CPXM2: variants seen among roughly 807,000 people sequenced by gnomAD.
The protein encoded by CPXM2 is carboxypeptidase X, M14 family member 2, also known as inactive carboxypeptidase-like protein X2.
Under a neutral mutation model 86.1 loss-of-function variants are expected in CPXM2, and 66 were observed. The ratio of observed to expected loss-of-function variants is 0.77; its 90% CI spans 0.63 to 0.94. The LOEUF is 0.94. CPXM2 is among the 40% of genes least tolerant of loss of function. The probability of loss-of-function intolerance (pLI) is 0.00; values close to 1 mark genes in which losing one functional copy is unlikely to be tolerated. For synonymous variants in CPXM2, 388 were observed against 400.2 expected, an observed-to-expected ratio of 0.97 and a Z score of 0.36; for missense variants, 948 against 1,026.3, an observed-to-expected ratio of 0.92 and a Z score of 1.04.
At chr10:123,884,540 C>T (rs766336240) in intron 1 of CPXM2, among the ~76,000 whole-genome samples, 4 of 152,162 alleles carry the variant, frequency 2.6e-5, no homozygotes, top group Non-Finnish European at 5.9e-5. Context: ...TCCTGAAGGG[C>T]GAGTTGAGCA....
At chr10:123,875,324 T>C (rs1944964032) in intron 2 of CPXM2, among the ~76,000 whole-genome samples, 1 of 152,180 alleles carries the variant, frequency 6.6e-6, no homozygotes, top group Non-Finnish European at 1.5e-5. Context: ...CCCACATTTC[T>C]TGGGCTTCCT....
At chr10:123,940,377 G>A (rs1036612846), upstream of CPXM2, 1 of 152,266 alleles carries the variant, frequency 6.6e-6, no homozygotes, top group Non-Finnish European at 1.5e-5. Flanking sequence ...CTGTCATTGT[G>A]ATGATGGGCA....
chr10:123,867,732 G>A (rs987337887), intron 2 of CPXM2, among the ~76,000 whole-genome samples: 4 of 152,008 alleles, frequency 2.6e-5, no homozygotes, highest in Non-Finnish European at 4.4e-5. Flanking sequence ...AGAGTTTCAC[G>A]ATGCTGGCCA....
At chr10:123,823,616 G>C (rs1219710) in intron 4 of CPXM2, among the ~76,000 whole-genome samples, 97,516 of 151,966 alleles carry the variant, frequency 0.64, 33,896 homozygotes, top group Non-Finnish European at 0.77. Flanking sequence ...CAATATAACT[G>C]TTTTGGAAGG....
In CPXM2 at chr10:123,842,070, G is replaced by A. The variant is rs17106112; in HGVS notation, c.653+279C>T. On this transcript the variant is annotated intron_variant, in intron 4 of 13. Coordinates refer to ENST00000241305, the MANE Select transcript of CPXM2 (RefSeq NM_198148.3). ...ATCTCGTCCCAGAGCTGCCTAAACC[G>A]CCTGGATTTCACTGAGTCTGTGTCT... Among the ~76,000 whole-genome samples the A allele has an allele frequency of 0.034, 5,249 of 152,242 alleles. 144 individuals carry two copies. The highest frequency in any genetic ancestry group is 0.074 in the African/African-American group (3,077 of 41,536).
At chr10:123,801,407 C>T (rs554822061) in intron 4 of CPXM2, among the ~76,000 whole-genome samples, 2 of 152,260 alleles carry the variant, frequency 1.3e-5, no homozygotes, top group South Asian at 2.1e-4. Context: ...TACCTAGTCT[C>T]GGGTATTTCT....
intron 4 of CPXM2, among the ~76,000 whole-genome samples, chr10:123,801,626 T>C (rs371258291): frequency 6.6e-6 from 1 of 152,340 alleles, no homozygotes; most frequent in Non-Finnish European, 1.5e-5. Flanking sequence ...TAATGAAATA[T>C]GATCATGTCA....
rs754192732 is a variant in CPXM2, at chr10:123,762,012, T to C, written c.1637A>G (p.His546Arg). The change falls in exon 11 of 14, where the codon CAC becomes CGC. Residue 546 changes from histidine (H) to arginine (R), a missense_variant. Transcript: ENST00000241305. ...TQEHTPTPDD[H>R]VFRWLAYSYA... The stretch of plus-strand genomic sequence containing the variant: ...GGAGTAGGCCAGCCAGCGGAACACG[T>C]GGTCGTCGGGGGTGGGGGTGTGTTC... The C allele has an allele frequency of 2.5e-6, 4 of 1,613,444 alleles. No homozygotes were observed. Among genetic ancestry groups the C allele is most frequent in the South Asian group, 1.1e-5 (1 of 91,040 alleles).
chr10:123,796,225 G>A (rs1239924362), intron 6 of CPXM2, among the ~76,000 whole-genome samples: 1 of 152,172 alleles, frequency 6.6e-6, no homozygotes, highest in Non-Finnish European at 1.5e-5. Context: ...CACATTCTTT[G>A]TACCAGCAAT....
In CPXM2 at chr10:123,934,833, C is replaced by T. The variant is rs142645484; in HGVS notation, n.174+4644G>A. On this transcript the variant is annotated intron_variant and non_coding_transcript_variant, in intron 2 of 19. Coordinates refer to the CPXM2 transcript ENST00000368854. ...GCCATCCATCGCCTGCCACTGAGAC[C>T]TGTGCCTCCCACTAGCTGTGTTGGA... Among the ~76,000 whole-genome samples, 442 of 152,324 alleles carry T rather than the reference C, an allele frequency of 2.9e-3. 1 individual carries two copies. Among genetic ancestry groups the T allele is most frequent in the Non-Finnish European group, 5.3e-3 (361 of 68,034 alleles).
chr10:123,846,039 C>A lies in CPXM2; in HGVS notation c.514-3551G>T, dbSNP rs537684760. 9.2e-5 allele frequency among the ~76,000 whole-genome samples: 14 copies of A among 152,282 alleles called. No individual in the cohort carries two copies. The South Asian group carries it at 2.9e-3, about 32-fold the overall frequency. On this transcript the variant is annotated intron_variant, in intron 3 of 13. Transcript: ENST00000241305. ...TCAGATTCACAGACTCTCAAAAAAT[C>A]TATTTTTCATACACCATTTCCATGA...
At chr10:123,894,677 G>A (rs1002347466), upstream of CPXM2, among the ~76,000 whole-genome samples, 3 of 152,144 alleles carry the variant, frequency 2.0e-5, no homozygotes, top group African/African-American at 4.8e-5. Flanking sequence ...AGGGTCCTGC[G>A]TTCTTCAGCT....
At chr10:123,895,121 C>CTTTTTT (rs869104432), upstream of CPXM2, among the ~76,000 whole-genome samples, 40 of 85,880 alleles carry the variant, frequency 4.7e-4, no homozygotes, top group South Asian at 9.0e-4. Flanking sequence ...TCTTTTTTTT[C>CTTTTTT]TTTTTTTTTT....
chr10:123,831,935 G>A (rs879713717), intron 4 of CPXM2, among the ~76,000 whole-genome samples: 1 of 148,236 alleles, frequency 6.7e-6, no homozygotes, highest in Non-Finnish European at 1.5e-5. Flanking sequence ...TCCTGTGGGT[G>A]GAGGCCGGGG....
intron 4 of CPXM2, among the ~76,000 whole-genome samples, chr10:123,828,965 C>A (rs1485081128): frequency 1.4e-4 from 22 of 152,108 alleles, no homozygotes; most frequent in Admixed American, 1.4e-3. Context: ...TATTTACAAA[C>A]CACATGTCCA....
chr10:123,941,325 T>G (rs1243206111), upstream of CPXM2, among the ~76,000 whole-genome samples: 1 of 152,250 alleles, frequency 6.6e-6, no homozygotes, highest in Non-Finnish European at 1.5e-5. Context: ...TCCTAGCCTC[T>G]GCTGGTTGCC....
chr10:123,911,550 A>C (rs1408711533), intron 2 of CPXM2, among the ~76,000 whole-genome samples: 1 of 151,706 alleles, frequency 6.6e-6, no homozygotes, highest in Admixed American at 6.5e-5. Flanking sequence ...TTACTTTCGC[A>C]CCAACCTAAT....
At chr10:123,806,358 T>C (rs74162941) in intron 4 of CPXM2, among the ~76,000 whole-genome samples, 4,314 of 152,260 alleles carry the variant, frequency 0.028, 195 homozygotes, top group African/African-American at 0.098. Flanking sequence ...TGTTGTGGCA[T>C]TGAGTAAACG....
intron 6 of CPXM2, among the ~76,000 whole-genome samples, chr10:123,796,858 A>G (rs9651511): frequency 0.68 from 103,620 of 152,160 alleles, 37,081 homozygotes; most frequent in African/African-American, 0.89. Context: ...ATGTCCCCAC[A>G]GCCTGACTGC....
Sources: gnomAD v4.1 joint callset for allele counts (sites outside exome capture counted in the v4.1 genomes callset) on GRCh38, gnomAD v4.1.1 for gene constraint, MANE v1.5 for transcripts, NCBI Gene and HGNC (gene_info 2026-07-23, HGNC 2026-07-21) for gene names.